Variants in RARB observed in about 807,000 individuals in gnomAD.
The protein encoded by RARB is HBV-activated protein.
A neutral mutation model predicts 51.9 loss-of-function variants in RARB; 17 were observed. The observed-to-expected ratio is 0.33, with a 90% confidence interval of 0.22 to 0.49. The LOEUF (loss-of-function observed/expected upper bound fraction) is 0.49. RARB is among the 20% of genes least tolerant of loss of function. The probability of loss-of-function intolerance (pLI) is 0.99; values close to 1 mark genes in which losing one functional copy is unlikely to be tolerated. For synonymous variants in RARB, 215 were observed against 195.4 expected, an observed-to-expected ratio of 1.10 and a Z score of -0.84; for missense variants, 369 against 550.8, an observed-to-expected ratio of 0.67 and a Z score of 3.30.
chr3:25,509,439 T>G (rs1697778755), intron 3 of RARB, among the ~76,000 whole-genome samples: 1 of 152,222 alleles, frequency 6.6e-6, no homozygotes, highest in Admixed American at 6.5e-5. Context: ...TTGATTATAC[T>G]TCAGGAGAAA....
At chr3:24,881,781 G>A (rs1165228758) in intron 2 of RARB, among the ~76,000 whole-genome samples, 4 of 152,114 alleles carry the variant, frequency 2.6e-5, no homozygotes, top group African/African-American at 9.7e-5. Context: ...GTGCAGAGTG[G>A]AGGAAAATAG....
intron 5 of RARB, among the ~76,000 whole-genome samples, chr3:25,195,339 G>T (rs373577068): frequency 6.6e-6 from 1 of 151,934 alleles, no homozygotes; most frequent in African/African-American, 2.4e-5. Context: ...TTTGCAGAAA[G>T]TTTCGTATAG....
intron 5 of RARB, among the ~76,000 whole-genome samples, chr3:25,350,940 G>A (rs1201892095): frequency 6.6e-6 from 1 of 152,140 alleles, no homozygotes; most frequent in Non-Finnish European, 1.5e-5. Context: ...TCAATCATGG[G>A]GTTAGAGGCT....
At chr3:25,178,664 T>A (rs981246425) in intron 5 of RARB, among the ~76,000 whole-genome samples, 4 of 152,160 alleles carry the variant, frequency 2.6e-5, no homozygotes, top group Admixed American at 2.6e-4. Context: ...ATGATAGATA[T>A]TTAAAGGACC....
At chr3:25,054,401 A>T (rs767332008) in intron 2 of RARB, among the ~76,000 whole-genome samples, 1 of 152,268 alleles carries the variant, frequency 6.6e-6, no homozygotes, top group Non-Finnish European at 1.5e-5. Context: ...TAGGAGAGAT[A>T]CAGAGAAGTC....
At chr3:25,397,217 C>T (rs1707140497) in intron 5 of RARB, among the ~76,000 whole-genome samples, 1 of 152,164 alleles carries the variant, frequency 6.6e-6, no homozygotes, top group Non-Finnish European at 1.5e-5. Context: ...GCCCACAGGG[C>T]TCTTCCTGCT....
At chr3:25,506,760 G>A (rs951202586) in intron 3 of RARB, among the ~76,000 whole-genome samples, 1 of 152,274 alleles carries the variant, frequency 6.6e-6, no homozygotes, top group African/African-American at 2.4e-5. Context: ...GGCTAGGTTT[G>A]GCCCACAGGC....
intron 5 of RARB, among the ~76,000 whole-genome samples, chr3:25,407,922 A>C (rs376666340): frequency 5.3e-5 from 8 of 152,294 alleles, no homozygotes; most frequent in South Asian, 2.1e-4. Context: ...TGTACACTTC[A>C]TGTCTCCCAA....
chr3:25,101,507 T>G (rs1460091022), intron 3 of RARB, among the ~76,000 whole-genome samples: 1 of 152,124 alleles, frequency 6.6e-6, no homozygotes, highest in Non-Finnish European at 1.5e-5. Context: ...GAAAATTGTT[T>G]CACTTTGTTT....
intron 3 of RARB, among the ~76,000 whole-genome samples, chr3:25,111,796 C>G (rs1329074009): frequency 6.6e-6 from 1 of 152,008 alleles, no homozygotes; most frequent in Non-Finnish European, 1.5e-5. Flanking sequence ...CCAGGCTGGT[C>G]TCGAACTCCT....
chr3:25,394,668 T>C (rs2125489857), intron 5 of RARB, among the ~76,000 whole-genome samples: 1 of 152,324 alleles, frequency 6.6e-6, no homozygotes, highest in African/African-American at 2.4e-5. Context: ...TCTTTGTGTT[T>C]TTTAACTCTT....
intron 1 of RARB, among the ~76,000 whole-genome samples, chr3:25,445,940 T>TA (rs960350128): frequency 6.6e-6 from 1 of 152,162 alleles, no homozygotes; most frequent in African/African-American, 2.4e-5. Context: ...TATGGAGCTC[T>TA]AAAAAAATCC....
chr3:24,939,496 C>T (rs555351114), intron 2 of RARB, among the ~76,000 whole-genome samples: 1 of 152,104 alleles, frequency 6.6e-6, no homozygotes, highest in African/African-American at 2.4e-5. Flanking sequence ...TAAAGCCAGG[C>T]TCTTCTTTTA....
chr3:25,272,919 A>C (rs1363363927), intron 5 of RARB, among the ~76,000 whole-genome samples: 1 of 152,096 alleles, frequency 6.6e-6, no homozygotes, highest in African/African-American at 2.4e-5. Context: ...CACACCTCCA[A>C]ATTCTATCAG....
chr3:25,347,166 A>T (rs891669212), intron 5 of RARB, among the ~76,000 whole-genome samples: 59 of 152,222 alleles, frequency 3.9e-4, no homozygotes, highest in African/African-American at 1.3e-3. Flanking sequence ...AGACTCTAAG[A>T]AATTGAACAA....
At chr3:25,487,364 A>G (rs968851591) in intron 2 of RARB, among the ~76,000 whole-genome samples, 2 of 152,174 alleles carry the variant, frequency 1.3e-5, no homozygotes, top group African/African-American at 4.8e-5. Context: ...AAAGCAGATA[A>G]GGTATCAACA....
At chr3:25,136,832 C>T (rs907092608) in intron 4 of RARB, among the ~76,000 whole-genome samples, 3 of 151,784 alleles carry the variant, frequency 2.0e-5, no homozygotes, top group Non-Finnish European at 4.4e-5. Flanking sequence ...GGAAACATAG[C>T]GTTGGGGAAG....
intron 3 of RARB, among the ~76,000 whole-genome samples, chr3:25,110,167 G>A (rs1056867938): frequency 2.0e-5 from 3 of 152,152 alleles, no homozygotes; most frequent in Non-Finnish European, 4.4e-5. Flanking sequence ...TGGGATATGG[G>A]AATTGCAATA....
intron 4 of RARB, among the ~76,000 whole-genome samples, chr3:25,158,962 A>C (rs1276918351): frequency 6.6e-6 from 1 of 152,066 alleles, no homozygotes; most frequent in Non-Finnish European, 1.5e-5. Context: ...GAAGTGGCAG[A>C]CATCACATCA....
Sources: allele counts gnomAD v4.1 joint callset (sites outside exome capture counted in the v4.1 genomes callset), GRCh38; gene constraint gnomAD v4.1.1; transcripts MANE v1.5; gene names NCBI Gene and HGNC (gene_info 2026-07-23, HGNC 2026-07-21).